UNC79: variants seen among roughly 807,000 people sequenced by gnomAD.
The protein encoded by UNC79 is protein unc-79 homolog.
Under a neutral mutation model 283.1 loss-of-function variants are expected in UNC79, and 37 were observed. That is an observed-to-expected ratio of 0.13 (90% CI 0.10 to 0.17). UNC79 has a LOEUF of 0.17. Ranked by LOEUF, UNC79 falls within the 10% of genes least tolerant of loss-of-function variation. UNC79 has a pLI of 1.00. For missense variants in UNC79, 2,272 were observed against 3,211.1 expected (o/e 0.71, Z 7.07); for synonymous variants, 1,107 against 1,200.2 (o/e 0.92, Z 1.61).
chr14:93,523,090 A>G (rs2060396820), intron 7 of UNC79, among the ~76,000 whole-genome samples: 2 of 152,212 alleles, frequency 1.3e-5, no homozygotes, highest in South Asian at 4.1e-4. Flanking sequence ...CACTTTAGAA[A>G]AATGTCCTAC....
chr14:93,573,381 T>A (rs973281435), intron 16 of UNC79, among the ~76,000 whole-genome samples: 1 of 152,248 alleles, frequency 6.6e-6, no homozygotes, highest in Non-Finnish European at 1.5e-5. Flanking sequence ...CGCCACCTGA[T>A]TTCAAGCTCT....
At chr14:93,347,303 G>C in intron 1 of UNC79, 1 of 1,605,418 alleles carries the variant, frequency 6.2e-7, no homozygotes, top group Non-Finnish European at 8.5e-7. Flanking sequence ...CCTGCCCGCC[G>C]CCACTACCGC....
chr14:93,493,473 T>C (rs2058836565), intron 5 of UNC79, among the ~76,000 whole-genome samples: 1 of 152,138 alleles, frequency 6.6e-6, no homozygotes, highest in Admixed American at 6.5e-5. Context: ...CCAGGTTGGA[T>C]ATAGATTGAC....
chr14:93,348,038 T>C lies in UNC79; in HGVS notation c.-351+14515T>C. 2 of 1,608,818 alleles carry C rather than the reference T, an allele frequency of 1.2e-6. No homozygotes were observed. The highest frequency in any genetic ancestry group is 1.7e-6 in the Non-Finnish European group (2 of 1,175,272). ...CATCTTCTCTTCCAGGAAATGGCTG[T>C]TGGACTTGTGGTGTTTTTTACGACC... On this transcript the variant is annotated intron_variant, in intron 1 of 49. Transcript: ENST00000256339.
At chr14:93,702,908 C>T (rs2075632357) in intron 47 of UNC79, among the ~76,000 whole-genome samples, 1 of 152,246 alleles carries the variant, frequency 6.6e-6, no homozygotes, top group Admixed American at 6.5e-5. Context: ...CCTCCTTCTT[C>T]ACCCTAATCT....
chr14:93,539,586 C>G (rs2061277301), intron 12 of UNC79, among the ~76,000 whole-genome samples: 1 of 151,954 alleles, frequency 6.6e-6, no homozygotes, highest in Admixed American at 6.6e-5. Flanking sequence ...GAGGCCAAGT[C>G]TTTTCTGTTT....
At chr14:93,507,639 ATATTT>A (rs1295241163) in intron 7 of UNC79, among the ~76,000 whole-genome samples, 1 of 152,150 alleles carries the variant, frequency 6.6e-6, no homozygotes, top group East Asian at 1.9e-4. Flanking sequence ...TATAATACAA[ATATTT>A]TATTCCAGTC....
At chr14:93,508,495 T>C (rs943620427) in intron 7 of UNC79, among the ~76,000 whole-genome samples, 7 of 152,176 alleles carry the variant, frequency 4.6e-5, no homozygotes, top group African/African-American at 1.7e-4. Context: ...CTTAACAATA[T>C]TGGATTTTTG....
rs950574557 is a variant in UNC79, at chr14:93,409,511, T to C, written c.-350-58160T>C. Among the ~76,000 whole-genome samples the C allele has an allele frequency of 3.3e-5, 5 of 152,104 alleles. 1 individual carries two copies. The highest frequency in any genetic ancestry group is 1.2e-4 in the African/African-American group (5 of 41,420). ...TTTGAGACCAGCCTGGACAACATAG[T>C]GAGACCTCCGTCTCTACAAAAAATA... On this transcript the variant is annotated intron_variant, in intron 1 of 49. Coordinates refer to the UNC79 transcript ENST00000256339.
rs542223778 is a variant in UNC79 at position 93,647,629 on chromosome 14, G to A, written c.6083+983G>A. ...TTGAGTATGAAAAAGAGTGGGAGGA[G>A]ATGAGAGGGAAGAGGCAGTGTGAGC... On this transcript the variant is annotated intron_variant, in intron 35 of 48. Transcript: ENST00000555664. 9.7e-4 allele frequency among the ~76,000 whole-genome samples: 147 copies of A among 152,252 alleles called. 2 individuals are homozygous for A. The highest frequency in any genetic ancestry group is 1.7e-3 in the Non-Finnish European group (117 of 68,020).
intron 33 of UNC79, among the ~76,000 whole-genome samples, chr14:93,642,088 T>A (rs905225190): frequency 1.3e-5 from 2 of 152,168 alleles, no homozygotes; most frequent in African/African-American, 4.8e-5. Context: ...TATGTCTTTA[T>A]TAGCAGCATG....
At chr14:93,427,420 G>C (rs2055756018), upstream of UNC79, among the ~76,000 whole-genome samples, 1 of 151,988 alleles carries the variant, frequency 6.6e-6, no homozygotes, top group Non-Finnish European at 1.5e-5. Flanking sequence ...ATTAATTATA[G>C]AAAATTAAAA....
intron 1 of UNC79, among the ~76,000 whole-genome samples, chr14:93,369,729 C>T (rs1268101740): frequency 6.6e-6 from 1 of 152,130 alleles, no homozygotes; most frequent in African/African-American, 2.4e-5. Flanking sequence ...AGAAAAATCC[C>T]CTTGTGTTTC....
chr14:93,575,172 C>T (rs773847687), exon 17 of UNC79: 3 of 1,613,772 alleles, frequency 1.9e-6, no homozygotes, highest in Non-Finnish European at 2.5e-6. Flanking sequence ...AGTCAGTGAA[C>T]TGGCAGGGAA....
chr14:93,700,394 T>C (rs1235415647), intron 47 of UNC79, among the ~76,000 whole-genome samples: 1 of 152,212 alleles, frequency 6.6e-6, no homozygotes, highest in Non-Finnish European at 1.5e-5. Flanking sequence ...CCAATCTTTC[T>C]TCTACCTTCT....
At chr14:93,448,501 C>T (rs564616909) in intron 1 of UNC79, among the ~76,000 whole-genome samples, 1 of 152,216 alleles carries the variant, frequency 6.6e-6, no homozygotes, top group Admixed American at 6.5e-5. Flanking sequence ...CATCTATTTC[C>T]TTTCAGGATC....
intron 1 of UNC79, among the ~76,000 whole-genome samples, chr14:93,400,372 G>C (rs1218034439): frequency 6.7e-6 from 1 of 148,400 alleles, no homozygotes; most frequent in African/African-American, 2.6e-5. Context: ...TTTGTTTTAA[G>C]GTTGATGTGG....
intron 7 of UNC79, among the ~76,000 whole-genome samples, chr14:93,509,293 A>G (rs1211349960): frequency 6.6e-6 from 1 of 152,182 alleles, no homozygotes; most frequent in African/African-American, 2.4e-5. Flanking sequence ...TCCAAATCAT[A>G]TAATTCCACC....
chr14:93,694,043 C>T lies in UNC79; in HGVS notation c.7471-292C>T, dbSNP rs185433578. ...GAAGGCAACAGAGGCCATTTATCCCCTGGTGTGAGTCAGTGCAGTGCAGAT... is the reference window on the plus strand; with the variant it reads ...GAAGGCAACAGAGGCCATTTATCCCTTGGTGTGAGTCAGTGCAGTGCAGAT... On this transcript the variant is annotated intron_variant, in intron 46 of 48. Transcript: ENST00000555664. 2.1e-3 allele frequency among the ~76,000 whole-genome samples: 317 copies of T among 152,290 alleles called. 1 individual carries two copies. The highest frequency in any genetic ancestry group is 2.0e-3 in the Non-Finnish European group (135 of 68,032).
Sources: gnomAD v4.1 joint callset for allele counts (sites outside exome capture counted in the v4.1 genomes callset) on GRCh38, gnomAD v4.1.1 for gene constraint, MANE v1.5 for transcripts, NCBI Gene and HGNC (gene_info 2026-07-23, HGNC 2026-07-21) for gene names.